Variants in ZNF385B observed in about 807,000 individuals in gnomAD.
ZNF385B encodes zinc finger protein 533.
In ZNF385B, 23 loss-of-function variants were observed where a neutral mutation model predicts 39.2. That is an observed-to-expected ratio of 0.59 (90% CI 0.42 to 0.83). The LOEUF (loss-of-function observed/expected upper bound fraction) is 0.83. Ranked by LOEUF, ZNF385B falls within the 40% of genes least tolerant of loss-of-function variation. The pLI, the probability that ZNF385B is intolerant of heterozygous loss-of-function variation, is 0.00. For synonymous variants in ZNF385B, 205 were observed against 222.6 expected, an observed-to-expected ratio of 0.92 and a Z score of 0.70; for missense variants, 552 against 598.9, an observed-to-expected ratio of 0.92 and a Z score of 0.82.
intron 3 of ZNF385B, among the ~76,000 whole-genome samples, chr2:179,727,418 A>G (rs4894119): frequency 0.13 from 19,674 of 151,994 alleles, 1,806 homozygotes; most frequent in Admixed American, 0.29. Context: ...TCTTATAATG[A>G]CACACTTGGG....
intron 3 of ZNF385B, among the ~76,000 whole-genome samples, chr2:179,587,034 A>G (rs1030944132): frequency 2.6e-5 from 4 of 152,064 alleles, no homozygotes; most frequent in African/African-American, 9.7e-5. Context: ...GTGAGACTCC[A>G]TCTCAAAAAA....
Position 179,574,814 on chromosome 2 carries a change from G to C in ZNF385B, c.299-29845C>G, listed in dbSNP as rs4894109. On this transcript the variant is annotated intron_variant, in intron 3 of 9. Transcript: ENST00000410066. ...GGAAGGAAGGAGGGATGTTAGGGGGGAAGGGCTTTACCTAAGGAGAGAAGC... is the reference window on the plus strand; with the variant it reads ...GGAAGGAAGGAGGGATGTTAGGGGGCAAGGGCTTTACCTAAGGAGAGAAGC... Among the ~76,000 whole-genome samples, 274 of 152,044 alleles carry C rather than the reference G, an allele frequency of 1.8e-3. 1 individual carries two copies. Among genetic ancestry groups the C allele is most frequent in the African/African-American group, 6.3e-3 (261 of 41,492 alleles).
chr2:179,442,733 G>T lies in ZNF385B; in HGVS notation c.*517C>A, dbSNP rs181438441. On this transcript the variant is annotated 3_prime_UTR_variant, in exon 10 of 10. Coordinates refer to ENST00000410066, the MANE Select transcript of ZNF385B (RefSeq NM_152520.6). ...TGTCAACAACAGTACACCAAAAAGA[G>T]AACTTTGTGATCCGTTGGTAAGATA... 5.1e-6 allele frequency: 1 copy of T among 196,654 alleles called. No homozygotes were observed. Among genetic ancestry groups the T allele is most frequent in the Non-Finnish European group, 1.1e-5 (1 of 94,760 alleles). The allele number at this position is 196,654 out of a possible 1,614,324, so 12.2% of individuals were successfully genotyped here.
rs975397416 is a variant in ZNF385B at position 179,861,399 on chromosome 2, A to G, written c.-453T>C. 2.0e-5 allele frequency: 3 copies of G among 149,950 alleles called. No homozygotes were observed. The highest frequency in any genetic ancestry group is 1.3e-4 in the Admixed American group (2 of 15,050). 9.3% of individuals were successfully genotyped at this position (149,950 alleles called of 1,614,324 possible). A position where few individuals can be genotyped will look rare whatever the true frequency, so the allele number is the denominator to read the frequency against. On this transcript the variant is annotated 5_prime_UTR_variant, in exon 1 of 10. Transcript: ENST00000410066. Reference sequence around the variant, plus strand: ...AGCGCCTGCGCACCGGGCCTCGCCCAGGTGAGGGGCGTGTGCCCGGAGCCC... The same window carrying G: ...AGCGCCTGCGCACCGGGCCTCGCCCGGGTGAGGGGCGTGTGCCCGGAGCCC...
intron 3 of ZNF385B, among the ~76,000 whole-genome samples, chr2:179,687,413 A>C (rs2106336535): frequency 6.6e-6 from 1 of 152,188 alleles, no homozygotes; most frequent in South Asian, 2.1e-4. Flanking sequence ...TATAAACTCC[A>C]AATTTCTCTA....
chr2:179,758,132 T>A (rs564358458), intron 3 of ZNF385B, among the ~76,000 whole-genome samples: 1 of 152,198 alleles, frequency 6.6e-6, no homozygotes, highest in African/African-American at 2.4e-5. Context: ...AAATAAAAGA[T>A]GCCACTTCTT....
intron 6 of ZNF385B, among the ~76,000 whole-genome samples, chr2:179,455,441 A>T (rs561835430): frequency 2.0e-5 from 3 of 152,168 alleles, no homozygotes; most frequent in Admixed American, 2.0e-4. Context: ...TGATGGTTTC[A>T]TAAGAGTTTT....
intron 6 of ZNF385B, among the ~76,000 whole-genome samples, chr2:179,464,845 A>G (rs935452599): frequency 6.6e-6 from 1 of 151,462 alleles, no homozygotes; most frequent in Non-Finnish European, 1.5e-5. Context: ...TTTTTTGGAT[A>G]AAACCTCTTT....
chr2:179,472,938 T>A (rs753442972), intron 6 of ZNF385B, among the ~76,000 whole-genome samples: 35 of 152,298 alleles, frequency 2.3e-4, no homozygotes, highest in Admixed American at 1.2e-3. Flanking sequence ...TCCACCTTAA[T>A]GAAAACAAAG....
At chr2:179,446,847 A>G in intron 6 of ZNF385B, 77 bp from the exon 7 acceptor site, 3 of 1,493,954 alleles carry the variant, frequency 2.0e-6, no homozygotes, top group Non-Finnish European at 2.7e-6. Context: ...AGATGAATTA[A>G]AAATAGAAAT....
chr2:179,688,784 C>A (rs1347350794), intron 3 of ZNF385B, among the ~76,000 whole-genome samples: 2 of 152,190 alleles, frequency 1.3e-5, no homozygotes, highest in Non-Finnish European at 2.9e-5. Flanking sequence ...TCCTCTGTAA[C>A]TGAAATTTTG....
rs77335155 is a variant in ZNF385B at position 179,492,553 on chromosome 2, A to C, written c.553-9119T>G. 8.4e-3 allele frequency among the ~76,000 whole-genome samples: 1,276 copies of C among 152,316 alleles called. 12 individuals are homozygous for C. The highest frequency in any genetic ancestry group is 0.015 in the Non-Finnish European group (1,014 of 68,018). On this transcript the variant is annotated intron_variant, in intron 5 of 9. Transcript: ENST00000410066. Reference sequence around the variant, plus strand: ...TGTGTCTCCTTTTGTTTGACAAACAATATCCTTAATGTAGATGAAAGTGGC... The same window carrying C: ...TGTGTCTCCTTTTGTTTGACAAACACTATCCTTAATGTAGATGAAAGTGGC...
chr2:179,819,780 T>G (rs1575550562), intron 1 of ZNF385B, among the ~76,000 whole-genome samples: 1 of 152,160 alleles, frequency 6.6e-6, no homozygotes, highest in Non-Finnish European at 1.5e-5. Context: ...TACATTTTAG[T>G]CCACAGCAGC....
intron 3 of ZNF385B, among the ~76,000 whole-genome samples, chr2:179,577,584 TA>T (rs1282749265): frequency 6.6e-6 from 1 of 152,110 alleles, no homozygotes; most frequent in Admixed American, 6.6e-5. Context: ...CCTTTATAAT[TA>T]TTAATCTTGG....
At chr2:179,478,855 A>G (rs2053692268) in intron 6 of ZNF385B, among the ~76,000 whole-genome samples, 1 of 152,164 alleles carries the variant, frequency 6.6e-6, no homozygotes, top group African/African-American at 2.4e-5. Context: ...CTGTCACAAG[A>G]GAGCCTTCAA....
intron 1 of ZNF385B, among the ~76,000 whole-genome samples, chr2:179,810,188 A>C (rs1251636611): frequency 2.0e-5 from 3 of 151,874 alleles, no homozygotes; most frequent in Non-Finnish European, 4.4e-5. Flanking sequence ...AGATAGGAAG[A>C]GCTTTTAAAA....
At position 179,769,532 on chromosome 2, in the gene ZNF385B, T is replaced by C; in HGVS notation, c.269A>G (p.Gln90Arg). 6.2e-7 allele frequency: 1 copy of C among 1,613,990 alleles called. No homozygotes were observed. The highest frequency in any genetic ancestry group is 8.5e-7 in the Non-Finnish European group (1 of 1,179,986). ...GCTGCTGTTGCTGCTGGGGCTGGCC[T>C]GGGCGGGTGGTGGGGGCTGCCCATC... ...LSDGQPPPPAQASPSSNSSTG... is the reference protein window; with the variant it reads ...LSDGQPPPPARASPSSNSSTG... The change falls in exon 3 of 10, where the codon CAG becomes CGG. Residue 90 changes from glutamine to arginine, a missense_variant. Transcript: ENST00000410066.
chr2:179,602,841 T>C (rs563191894), intron 3 of ZNF385B, among the ~76,000 whole-genome samples: 3 of 152,308 alleles, frequency 2.0e-5, no homozygotes, highest in African/African-American at 7.2e-5. Flanking sequence ...ACTTGAAAGG[T>C]ACATGCATTG....
intron 3 of ZNF385B, among the ~76,000 whole-genome samples, chr2:179,733,144 AC>A (rs1171069590): frequency 1.3e-5 from 2 of 152,216 alleles, no homozygotes; most frequent in African/African-American, 4.8e-5. Flanking sequence ...AAACCTAGAT[AC>A]CAGAAATGAT....
Sources: allele counts gnomAD v4.1 joint callset (sites outside exome capture counted in the v4.1 genomes callset), GRCh38; gene constraint gnomAD v4.1.1; transcripts MANE v1.5; gene names NCBI Gene and HGNC (gene_info 2026-07-23, HGNC 2026-07-21).